The following OLA1 variants were observed in gnomAD, a reference collection of about 807,000 sequenced individuals.
OLA1 encodes obg-like ATPase 1.
In OLA1, 14 loss-of-function variants were observed where a neutral mutation model predicts 48.4. The ratio of observed to expected loss-of-function variants is 0.29; its 90% CI spans 0.19 to 0.45. The LOEUF is 0.45. OLA1 is among the 20% of genes least tolerant of loss of function. The probability of loss-of-function intolerance (pLI) is 1.00; values close to 1 mark genes in which losing one functional copy is unlikely to be tolerated. For synonymous variants in OLA1, 127 were observed against 150.4 expected (o/e 0.84, Z 1.14); for missense variants, 325 against 467.1 (o/e 0.70, Z 2.80).
chr2:174,202,314 C>T (rs1395267228), intron 4 of OLA1, among the ~76,000 whole-genome samples: 1 of 152,212 alleles, frequency 6.6e-6, no homozygotes, highest in Non-Finnish European at 1.5e-5. Flanking sequence ...GTACTCCATA[C>T]TGTACTACCA....
At chr2:174,116,530 G>C (rs1685787540) in intron 7 of OLA1, among the ~76,000 whole-genome samples, 1 of 152,108 alleles carries the variant, frequency 6.6e-6, no homozygotes, top group South Asian at 2.1e-4. Flanking sequence ...TGCAGAAAAG[G>C]CTTATTTTCA....
At chr2:174,229,219 A>AT in intron 3 of OLA1, 89 bp downstream of exon 3, 1 of 1,334,282 alleles carries the variant, frequency 7.5e-7, no homozygotes, top group South Asian at 1.3e-5. Flanking sequence ...TGCTACATTA[A>AT]TTTTAAAAGA....
intron 2 of OLA1, among the ~76,000 whole-genome samples, chr2:174,231,268 A>G (rs1475725679): frequency 6.6e-6 from 1 of 152,256 alleles, no homozygotes; most frequent in Non-Finnish European, 1.5e-5. Flanking sequence ...AAAATATTGT[A>G]TACCTACAAT....
chr2:174,093,986 C>T (rs1271047376), intron 7 of OLA1, among the ~76,000 whole-genome samples: 2 of 152,180 alleles, frequency 1.3e-5, no homozygotes, highest in Non-Finnish European at 1.5e-5. Context: ...ATGGAACTTC[C>T]ATATCCAAAC....
chr2:174,122,554 C>A (rs1260422671), intron 7 of OLA1, among the ~76,000 whole-genome samples: 1 of 152,046 alleles, frequency 6.6e-6, no homozygotes, highest in Non-Finnish European at 1.5e-5. Flanking sequence ...AGTGGTATGC[C>A]AAATGTGGAC....
intron 5 of OLA1, among the ~76,000 whole-genome samples, chr2:174,139,735 T>G (rs1185337245): frequency 1.3e-5 from 2 of 151,832 alleles, no homozygotes; most frequent in Non-Finnish European, 2.9e-5. Flanking sequence ...TGTGGTGGCA[T>G]GCACCTGTAG....
intron 4 of OLA1, 33 bp downstream of exon 4, chr2:174,223,000 G>A: frequency 6.3e-7 from 1 of 1,579,262 alleles, no homozygotes; most frequent in Non-Finnish European, 8.6e-7. Flanking sequence ...TGATCTGAAT[G>A]AAATCAATGA....
chr2:174,139,857 TCA>T (rs1387435936), intron 5 of OLA1, among the ~76,000 whole-genome samples: 4 of 109,716 alleles, frequency 3.6e-5, no homozygotes, highest in Non-Finnish European at 6.7e-5. Flanking sequence ...AGAGTGAGAC[TCA>T]GTCTCAAAAA....
At position 174,075,467 on chromosome 2, in the gene OLA1, A is replaced by G. The variant is rs776300289; in HGVS notation, c.1150T>C (p.Phe384Leu). ...NYIVEDGDII[F>L]FKFNTPQQPK... ...TGTTGAGGTGTGTTAAATTTGAAGA[A>G]GATAATATCTCCATCTTCAACAATA... The change falls in exon 11 of 11, where the codon TTC becomes CTC. Residue 384 changes from phenylalanine (F) to leucine (L), a missense_variant. Phe to Leu is a conservative substitution (Grantham distance 22). Transcript: ENST00000284719. 1 of 1,610,382 alleles carries G rather than the reference A, an allele frequency of 6.2e-7. No individual in the cohort carries two copies.
chr2:174,152,262 CG>C (rs1553484155), intron 4 of OLA1, among the ~76,000 whole-genome samples: 4 of 151,896 alleles, frequency 2.6e-5, no homozygotes, highest in Non-Finnish European at 5.9e-5. Flanking sequence ...CAAAATTAGC[CG>C]GGCATGGTGG....
chr2:174,180,243 T>C (rs1256400283), intron 4 of OLA1, among the ~76,000 whole-genome samples: 1 of 152,212 alleles, frequency 6.6e-6, no homozygotes, highest in East Asian at 1.9e-4. Context: ...AAACTATTAA[T>C]ATTTTACCTT....
At chr2:174,113,044 G>A (rs1457247786) in intron 7 of OLA1, among the ~76,000 whole-genome samples, 3 of 151,998 alleles carry the variant, frequency 2.0e-5, no homozygotes, top group Non-Finnish European at 2.9e-5. Flanking sequence ...AGGCTCAAGC[G>A]ATTCTCCTGC....
At chr2:174,194,425 C>T (rs1049110878) in intron 4 of OLA1, among the ~76,000 whole-genome samples, 13 of 152,146 alleles carry the variant, frequency 8.5e-5, no homozygotes, top group African/African-American at 3.1e-4. Context: ...ATGTCTCCTC[C>T]ATCCCCATAG....
chr2:174,243,015 T>C (rs935097133), intron 2 of OLA1, among the ~76,000 whole-genome samples: 3 of 151,892 alleles, frequency 2.0e-5, no homozygotes, highest in African/African-American at 7.2e-5. Context: ...GTGTTTTTGT[T>C]GTTTTTTTTT....
chr2:174,173,248 G>C (rs960851729), intron 4 of OLA1, among the ~76,000 whole-genome samples: 1 of 152,164 alleles, frequency 6.6e-6, no homozygotes, highest in Non-Finnish European at 1.5e-5. Context: ...ATCCTGTTTA[G>C]TCATCTAATA....
Position 174,103,396 on chromosome 2 carries a change from C to T in OLA1, c.728+19784G>A, listed in dbSNP as rs73033810. On this transcript the variant is annotated intron_variant, in intron 7 of 10. Coordinates refer to ENST00000284719, the MANE Select transcript of OLA1 (RefSeq NM_013341.5). Reference sequence around the variant, plus strand: ...ACATGCCCATGCCCATCTGTTTACACTATTGTCTATGGCTGCTTTTGCATT... The same window carrying T: ...ACATGCCCATGCCCATCTGTTTACATTATTGTCTATGGCTGCTTTTGCATT... 4.2e-3 allele frequency among the ~76,000 whole-genome samples: 643 copies of T among 152,294 alleles called. 2 individuals are homozygous for T. Among genetic ancestry groups the T allele is most frequent in the African/African-American group, 0.015 (611 of 41,572 alleles).
intron 4 of OLA1, among the ~76,000 whole-genome samples, chr2:174,144,982 A>ATATAAT (rs1372998057): frequency 7.7e-6 from 1 of 130,342 alleles, no homozygotes; most frequent in Non-Finnish European, 1.6e-5. Context: ...ATATATATAT[A>ATATAAT]ATCACGGAAT....
intron 7 of OLA1, among the ~76,000 whole-genome samples, chr2:174,117,377 A>G (rs1335126460): frequency 2.6e-5 from 4 of 152,234 alleles, no homozygotes; most frequent in East Asian, 1.9e-4. Context: ...ATAGTAGCAA[A>G]TAAAGACCAT....
chr2:174,157,886 C>T (rs1686922924), intron 4 of OLA1, among the ~76,000 whole-genome samples: 1 of 152,040 alleles, frequency 6.6e-6, no homozygotes, highest in South Asian at 2.1e-4. Flanking sequence ...TAATATACCT[C>T]ACAAAATACA....
Sources: gnomAD v4.1 joint callset for allele counts (sites outside exome capture counted in the v4.1 genomes callset) on GRCh38, gnomAD v4.1.1 for gene constraint, MANE v1.5 for transcripts, NCBI Gene and HGNC (gene_info 2026-07-23, HGNC 2026-07-21) for gene names.